The following GPR160 variants were observed in gnomAD, a reference collection of about 807,000 sequenced individuals.
The protein encoded by GPR160 is probable G protein-coupled receptor 160.
Under a neutral mutation model 2.6 loss-of-function variants are expected in GPR160, and 2 were observed. The observed-to-expected ratio is 0.77, with a 90% CI of 0.32 to 2.44. The LOEUF is 2.44. GPR160 is among the 30% of genes most tolerant of loss of function. The probability of loss-of-function intolerance (pLI) is 0.11; values close to 1 mark genes in which losing one functional copy is unlikely to be tolerated. For missense variants in GPR160, 351 were observed against 383.6 expected (o/e 0.91, Z 0.71); for synonymous variants, 130 against 132.2 (o/e 0.98, Z 0.12).
At chr3:170,083,798 T>G in intron 3 of GPR160, 107 bp from the exon 4 acceptor site, 1 of 428,114 alleles carries the variant, frequency 2.3e-6, no homozygotes, top group Non-Finnish European at 4.1e-6. Flanking sequence ...CTTATTCATA[T>G]ATTTATTTGG....
chr3:170,068,850 A>C (rs943801762), intron 2 of GPR160, among the ~76,000 whole-genome samples: 3 of 152,106 alleles, frequency 2.0e-5, no homozygotes, highest in Non-Finnish European at 2.9e-5. Context: ...TTTTCTTTGA[A>C]TGTCTGAGGA....
intron 2 of GPR160, among the ~76,000 whole-genome samples, chr3:170,064,860 C>T (rs1712230962): frequency 6.6e-6 from 1 of 152,060 alleles, no homozygotes; most frequent in Non-Finnish European, 1.5e-5. Flanking sequence ...GGAGTCATGA[C>T]CTGGTGTCTC....
intron 2 of GPR160, among the ~76,000 whole-genome samples, chr3:170,073,619 G>GTTAAA (rs1712706427): frequency 1.3e-5 from 2 of 152,122 alleles, no homozygotes; most frequent in Admixed American, 1.3e-4. Context: ...CATTGGCCAT[G>GTTAAA]ATGTATTGAT....
chr3:170,064,553 C>G (rs1422711549), intron 2 of GPR160, among the ~76,000 whole-genome samples: 1 of 135,738 alleles, frequency 7.4e-6, no homozygotes, highest in Non-Finnish European at 1.5e-5. Flanking sequence ...GAGTCTCACT[C>G]TGTCGCCCAG....
intron 3 of GPR160, among the ~76,000 whole-genome samples, chr3:170,082,652 G>A (rs761549707): frequency 6.6e-6 from 1 of 152,112 alleles, no homozygotes; most frequent in African/African-American, 2.4e-5. Flanking sequence ...CTGGAGTGCA[G>A]TGGCACAATC....
At chr3:170,041,184 A>C (rs1205223946) in intron 2 of GPR160, among the ~76,000 whole-genome samples, 2 of 152,240 alleles carry the variant, frequency 1.3e-5, no homozygotes, top group Non-Finnish European at 2.9e-5. Flanking sequence ...TTTGATTTAA[A>C]GATAAAACAA....
Position 170,084,007 on chromosome 3 carries a change from AG to A in GPR160, c.36del (p.Gln12HisfsTer11). ...CTCTCTTCAGAGAACTGCTCTTTTCAGTACCAGTTACGTCAAACAAACCAGC... is the reference window on the plus strand; with the variant it reads ...CTCTCTTCAGAGAACTGCTCTTTTCATACCAGTTACGTCAAACAAACCAGC... Reference protein sequence around the residue: ...TALSSENCSFQYQLRQTNQPL... With the variant: ...TALSSENCSFXYQLRQTNQPL... On this transcript the variant is annotated frameshift_variant, in exon 4 of 4. Transcript: ENST00000355897. LOFTEE classifies it low-confidence loss of function (END_TRUNC). The A allele has an allele frequency of 6.5e-7, 1 of 1,541,734 alleles. No homozygotes were observed. Among genetic ancestry groups the A allele is most frequent in the Non-Finnish European group, 8.7e-7 (1 of 1,152,382 alleles).
In GPR160 at chr3:170,079,602, C is replaced by T. The variant is rs140153402; in HGVS notation, c.-192-172C>T. On this transcript the variant is annotated intron_variant, in intron 2 of 3. Transcript: ENST00000355897. ...GGTGTGCTTTCAATCCAAGTATCCC[C>T]TTTCTTCCTTTTGCAAGAAAGAAAC... is the stretch of plus-strand genomic sequence containing the variant. Among the ~76,000 whole-genome samples, 568 of 152,254 alleles carry T rather than the reference C, an allele frequency of 3.7e-3. 5 individuals carry two copies. Among genetic ancestry groups the T allele is most frequent in the African/African-American group, 0.012 (504 of 41,548 alleles).
rs749894318 is a variant in GPR160 at position 170,084,780 on chromosome 3, C to G, written c.808C>G (p.Pro270Ala). The change falls in exon 4 of 4, where the codon CCA becomes GCA. Residue 270 changes from proline (P) to alanine (A), a missense_variant. By Grantham distance (27) the Pro-to-Ala change is conservative. Transcript: ENST00000355897. ...CATTGTTTTACTTAAAGTTCAGATT[C>G]CAGCATATATTGAGATGAATATTCC... The part of the protein sequence containing the change: ...VIIVLLKVQI[P>A]AYIEMNIPWL... The G allele has an allele frequency of 1.7e-5, 27 of 1,603,788 alleles. No homozygotes were observed. The highest frequency in any genetic ancestry group is 2.1e-5 in the Non-Finnish European group (25 of 1,171,044).
intron 2 of GPR160, chr3:170,062,495 G>T: frequency 1.6e-6 from 1 of 611,332 alleles, no homozygotes; most frequent in South Asian, 1.7e-5. Context: ...CCATTAGCTG[G>T]AATCCACAGG....
At chr3:170,056,384 C>T (rs961796109) in intron 2 of GPR160, among the ~76,000 whole-genome samples, 1 of 152,200 alleles carries the variant, frequency 6.6e-6, no homozygotes, top group Non-Finnish European at 1.5e-5. Context: ...TTTTCAAGAA[C>T]ATTTTACGGA....
chr3:170,072,525 C>T (rs1161108158), intron 2 of GPR160, among the ~76,000 whole-genome samples: 1 of 152,128 alleles, frequency 6.6e-6, no homozygotes, highest in Non-Finnish European at 1.5e-5. Flanking sequence ...TTATTTGGCT[C>T]ATGGTTCTAC....
intron 2 of GPR160, chr3:170,057,394 T>C (rs923632624): frequency 6.6e-6 from 1 of 152,208 alleles, no homozygotes; most frequent in Non-Finnish European, 1.5e-5. Context: ...TGATGAAATA[T>C]GGTTGGCACT....
In GPR160 at chr3:170,061,383, T is replaced by TA. The variant is rs1310786958; in HGVS notation, c.-192-18383dup. On this transcript the variant is annotated intron_variant, in intron 2 of 3. Coordinates refer to ENST00000355897, the MANE Select transcript of GPR160 (RefSeq NM_014373.3). The stretch of plus-strand genomic sequence containing the variant: ...TGTGATCCTTGATTGGATTTTGTAT[T>TA]AAAAAAAACTCTAACAACATTGGGA... Among the ~76,000 whole-genome samples the TA allele has an allele frequency of 2.2e-4, 34 of 151,840 alleles. 1 individual carries two copies. The East Asian group carries it at 3.9e-3, about 17-fold the overall frequency.
intron 2 of GPR160, among the ~76,000 whole-genome samples, chr3:170,054,181 C>A (rs1022810948): frequency 9.3e-5 from 14 of 151,034 alleles, no homozygotes; most frequent in African/African-American, 3.2e-4. Context: ...AAACTCTCAT[C>A]ATTATTAGTC....
In GPR160 at chr3:170,084,327, GATT is replaced by G. The variant is rs751275473; in HGVS notation, c.359_361del (p.Tyr120del). ...TCCAGTTTTCCTGACAGCTTGTATA[GATT>G]ATTGCCTGAATTTCTCTAAAACAAC... On this transcript the variant is annotated inframe_deletion, in exon 4 of 4. Coordinates refer to ENST00000355897, the MANE Select transcript of GPR160 (RefSeq NM_014373.3). 10 of 1,608,862 alleles carry G rather than the reference GATT, an allele frequency of 6.2e-6. No individual in the cohort carries two copies. The African/African-American group carries it at 9.4e-5, about 15-fold the overall frequency.
chr3:170,068,836 G>C (rs977350556), intron 2 of GPR160, among the ~76,000 whole-genome samples: 2 of 152,110 alleles, frequency 1.3e-5, no homozygotes, highest in African/African-American at 2.4e-5. Flanking sequence ...TTCAATACTA[G>C]AGATTTTCTT....
chr3:170,055,467 G>C (rs1470463342), intron 2 of GPR160, among the ~76,000 whole-genome samples: 1 of 152,094 alleles, frequency 6.6e-6, no homozygotes, highest in Admixed American at 6.6e-5. Context: ...ACATTCAGAA[G>C]CCCGGGATGG....
intron 2 of GPR160, chr3:170,078,034 C>T (rs1462993912): frequency 2.6e-5 from 4 of 152,322 alleles, no homozygotes; most frequent in Admixed American, 6.5e-5. Context: ...ACTTACTCAA[C>T]AGAAACAGCA....
Sources: gnomAD v4.1 joint callset for allele counts (sites outside exome capture counted in the v4.1 genomes callset) on GRCh38, gnomAD v4.1.1 for gene constraint, MANE v1.5 for transcripts, NCBI Gene and HGNC (gene_info 2026-07-23, HGNC 2026-07-21) for gene names.